Variants in LCP1 observed in about 807,000 individuals in gnomAD.
The protein encoded by LCP1 is plastin-2.
In LCP1, 23 loss-of-function variants were observed where a neutral mutation model predicts 72.0. That is an observed-to-expected ratio of 0.32 (90% CI 0.23 to 0.45). The LOEUF is 0.45. Among genes scored for constraint, LCP1 ranks in the 20% least tolerant of loss-of-function variants. The probability of loss-of-function intolerance (pLI) is 1.00; values close to 1 mark genes in which losing one functional copy is unlikely to be tolerated. For missense variants in LCP1, 571 were observed against 748.3 expected, an observed-to-expected ratio of 0.76 and a Z score of 2.76; for synonymous variants, 245 against 275.4, an observed-to-expected ratio of 0.89 and a Z score of 1.09.
rs1446734194 is a variant in LCP1, at chr13:46,146,942, T to C, written c.1140A>G (p.Pro380=). The C allele has an allele frequency of 1.2e-6, 2 of 1,614,046 alleles. No homozygotes were observed. Among genetic ancestry groups the C allele is most frequent in the African/African-American group, 2.7e-5 (2 of 74,912 alleles). Residue 380 remains proline (P), a synonymous_variant, in exon 10 of 16, where the codon CCA becomes CCG. Coordinates refer to ENST00000323076, the MANE Select transcript of LCP1 (RefSeq NM_002298.5). ...LFNRYPALHK[P]ENQDIDWGAL... ...CCCCCCAGTCAATGTCCTGGTTCTCTGGTTTGTGCAGGGCAGGGTATCTGT... is the reference window on the plus strand; with the variant it reads ...CCCCCCAGTCAATGTCCTGGTTCTCCGGTTTGTGCAGGGCAGGGTATCTGT...
At chr13:46,152,695 A>G in intron 7 of LCP1, 85 bp downstream of exon 7, 1 of 1,399,858 alleles carries the variant, frequency 7.1e-7, no homozygotes, top group Non-Finnish European at 9.7e-7. Context: ...AAACTTGAGA[A>G]TTTCTGACAT....
Position 46,127,390 on chromosome 13 carries a change from T to C in LCP1, c.*201A>G, listed in dbSNP as rs1306379432. 5 of 549,118 alleles carry C rather than the reference T, an allele frequency of 9.1e-6. No homozygotes were observed. Among genetic ancestry groups the C allele is most frequent in the East Asian group, 2.9e-5 (1 of 33,928 alleles). The allele number at this position is 549,118 out of a possible 1,614,324, so 34.0% of individuals were successfully genotyped here. ...TAAATCAAGAATAGAAACCTATATA[T>C]AGGAGGTTGGGCCTCCTGCAAAGAA... On this transcript the variant is annotated 3_prime_UTR_variant, in exon 16 of 16. Transcript: ENST00000323076.
intron 15 of LCP1, among the ~76,000 whole-genome samples, chr13:46,129,488 A>G (rs964296122): frequency 2.6e-5 from 4 of 152,042 alleles, no homozygotes; most frequent in Admixed American, 1.3e-4. Flanking sequence ...CTGAGCTGCT[A>G]TTTGCTCTAA....
At chr13:46,134,017 G>T in intron 14 of LCP1, 110 bp downstream of exon 14, 1 of 969,896 alleles carries the variant, frequency 1.0e-6, no homozygotes, top group Non-Finnish European at 1.5e-6. Flanking sequence ...ATTGAAATGG[G>T]AGGGGGAGCC....
intron 1 of LCP1, among the ~76,000 whole-genome samples, chr13:46,172,170 G>A (rs919501718): frequency 6.6e-6 from 1 of 152,190 alleles, no homozygotes; most frequent in African/African-American, 2.4e-5. Flanking sequence ...AAATAGAAAA[G>A]GGCATTTCAG....
rs1209082261 is a variant in LCP1, at chr13:46,127,200, TG to T, written c.*390del. On this transcript the variant is annotated 3_prime_UTR_variant, in exon 16 of 16. Transcript: ENST00000323076. ...AGGGCAGGTGTGATGTTTCCCCTCC[TG>T]GCCCTCATCTTGAACAAAGAAAAGG... The T allele has an allele frequency of 1.6e-5, 4 of 244,312 alleles. No individual in the cohort carries two copies. Among genetic ancestry groups the T allele is most frequent in the African/African-American group, 6.6e-5 (3 of 45,440 alleles). The allele number at this position is 244,312 out of a possible 1,614,324, so 15.1% of individuals were successfully genotyped here. A position where few individuals can be genotyped will look rare whatever the true frequency, so the allele number is the denominator to read the frequency against.
chr13:46,167,347 T>C (rs950347617), intron 1 of LCP1, among the ~76,000 whole-genome samples: 3 of 152,212 alleles, frequency 2.0e-5, no homozygotes, highest in African/African-American at 7.2e-5. Context: ...CCTGGCTCTG[T>C]CGCCAGCTAA....
chr13:46,136,369 T>C (rs1566434340), intron 13 of LCP1, among the ~76,000 whole-genome samples: 1 of 152,240 alleles, frequency 6.6e-6, no homozygotes, highest in Non-Finnish European at 1.5e-5. Context: ...GTATCCACCG[T>C]GTGCCCTCGG....
At chr13:46,141,598 G>A (rs1371830941) in intron 13 of LCP1, among the ~76,000 whole-genome samples, 5 of 151,740 alleles carry the variant, frequency 3.3e-5, no homozygotes, top group African/African-American at 4.8e-5. Context: ...TTTAAAGTAC[G>A]GAAAGAAAAA....
chr13:46,152,913 T>C lies in LCP1; in HGVS notation c.606A>G (p.Ser202=). 6.2e-7 allele frequency: 1 copy of C among 1,613,308 alleles called. No homozygotes were observed. Among genetic ancestry groups the C allele is most frequent in the Non-Finnish European group, 8.5e-7 (1 of 1,179,756 alleles). Residue 202 remains serine (S), a synonymous_variant, in exon 7 of 16, where the codon TCA becomes TCG. Transcript: ENST00000323076. ...TGTTGACCACATGGCACCCGATGGCTGAGGCAGAGTTCAGAGCCAAGTTCA... is the reference window on the plus strand; with the variant it reads ...TGTTGACCACATGGCACCCGATGGCCGAGGCAGAGTTCAGAGCCAAGTTCA... ...ENLNLALNSA[S]AIGCHVVNIG...
chr13:46,134,080 T>C, intron 14 of LCP1, 47 bp downstream of exon 14: 1 of 1,601,450 alleles, frequency 6.2e-7, no homozygotes. Context: ...ACAATACAGA[T>C]AGGCATAGAG....
At chr13:46,149,693 T>C (rs1001409114) in intron 8 of LCP1, among the ~76,000 whole-genome samples, 4 of 152,244 alleles carry the variant, frequency 2.6e-5, no homozygotes, top group African/African-American at 9.6e-5. Flanking sequence ...AGTGCTCATC[T>C]GGCCAGCTCC....
intron 14 of LCP1, among the ~76,000 whole-genome samples, chr13:46,133,445 G>C (rs1226808885): frequency 6.6e-6 from 1 of 152,056 alleles, no homozygotes; most frequent in Admixed American, 6.5e-5. Context: ...GGGCCACATA[G>C]TGAGACCTCA....
chr13:46,138,548 G>A (rs955127631), intron 13 of LCP1, among the ~76,000 whole-genome samples: 1 of 152,136 alleles, frequency 6.6e-6, no homozygotes, highest in Non-Finnish European at 1.5e-5. Context: ...CATTAAATAG[G>A]GCTTTGAGCC....
At chr13:46,165,029 C>T (rs1474559079) in intron 1 of LCP1, among the ~76,000 whole-genome samples, 1 of 152,092 alleles carries the variant, frequency 6.6e-6, no homozygotes, top group Non-Finnish European at 1.5e-5. Flanking sequence ...AGCAAAGCAG[C>T]AGGAAGAGGA....
chr13:46,175,809 A>T (rs1313921828), intron 1 of LCP1, among the ~76,000 whole-genome samples: 1 of 152,194 alleles, frequency 6.6e-6, no homozygotes, highest in East Asian at 1.9e-4. Context: ...CAGTGGGGGA[A>T]GTTCAGTTCG....
chr13:46,136,207 G>A (rs1177688617), intron 13 of LCP1, among the ~76,000 whole-genome samples: 1 of 152,002 alleles, frequency 6.6e-6, no homozygotes, highest in Non-Finnish European at 1.5e-5. Context: ...GGACTCATCT[G>A]TACTCACTAC....
At chr13:46,142,532 C>G (rs1460465131) in intron 12 of LCP1, 107 bp from the exon 13 acceptor site, 1 of 1,213,438 alleles carries the variant, frequency 8.2e-7, no homozygotes, top group Admixed American at 2.2e-5. Flanking sequence ...ATGGTAAGAC[C>G]GAATGACCTC....
At chr13:46,146,331 T>C (rs1312333324) in intron 10 of LCP1, among the ~76,000 whole-genome samples, 1 of 152,182 alleles carries the variant, frequency 6.6e-6, no homozygotes, top group Non-Finnish European at 1.5e-5. Context: ...TTCATGATTT[T>C]TTTAAAAAAG....
Sources: gnomAD v4.1 joint callset for allele counts (sites outside exome capture counted in the v4.1 genomes callset) on GRCh38, gnomAD v4.1.1 for gene constraint, MANE v1.5 for transcripts, NCBI Gene and HGNC (gene_info 2026-07-23, HGNC 2026-07-21) for gene names.